The following GPC5 variants were observed in gnomAD, a reference collection of about 807,000 sequenced individuals.
The protein encoded by GPC5 is glypican 5.
Under a neutral mutation model 53.9 loss-of-function variants are expected in GPC5, and 47 were observed. The observed-to-expected ratio is 0.87, with a 90% CI of 0.69 to 1.11. GPC5 has a LOEUF of 1.11. Among genes scored for constraint, GPC5 ranks in the 50% most tolerant of loss-of-function variants. The pLI, the probability that GPC5 is intolerant of heterozygous loss-of-function variation, is 0.00. For synonymous variants in GPC5, 286 were observed against 263.3 expected (o/e 1.09, Z -0.84); for missense variants, 748 against 713.1 (o/e 1.05, Z -0.56).
At chr13:92,476,987 A>G (rs1566607580) in intron 7 of GPC5, among the ~76,000 whole-genome samples, 1 of 150,648 alleles carries the variant, frequency 6.6e-6, no homozygotes, top group Non-Finnish European at 1.5e-5. Flanking sequence ...TGGCACGTGT[A>G]TACATATGTA....
At chr13:91,742,703 T>C (rs999021667) in intron 4 of GPC5, among the ~76,000 whole-genome samples, 14 of 152,120 alleles carry the variant, frequency 9.2e-5, no homozygotes, top group African/African-American at 3.4e-4. Context: ...GTGGCTGCAA[T>C]TGGAACTCCC....
intron 1 of GPC5, among the ~76,000 whole-genome samples, chr13:91,406,130 T>C (rs563672647): frequency 1.6e-4 from 24 of 152,286 alleles, no homozygotes; most frequent in South Asian, 4.1e-4. Context: ...CTCTGCAAAT[T>C]ATGTAGCCAG....
intron 2 of GPC5, among the ~76,000 whole-genome samples, chr13:91,484,177 T>G (rs1261465943): frequency 6.6e-6 from 1 of 152,236 alleles, no homozygotes; most frequent in Admixed American, 6.5e-5. Flanking sequence ...TTAATTTTCA[T>G]TGCATTGAAG....
At chr13:92,345,815 A>G (rs939578605) in intron 7 of GPC5, among the ~76,000 whole-genome samples, 1 of 152,124 alleles carries the variant, frequency 6.6e-6, no homozygotes, top group Non-Finnish European at 1.5e-5. Flanking sequence ...ATGGGGCTAA[A>G]GGCATACCTA....
chr13:91,844,232 T>C (rs1159522948), intron 5 of GPC5, among the ~76,000 whole-genome samples: 1 of 152,092 alleles, frequency 6.6e-6, no homozygotes, highest in African/African-American at 2.4e-5. Flanking sequence ...ATCAACAAAT[T>C]TGGAAATTAC....
chr13:92,834,837 T>A (rs1878170338), intron 7 of GPC5, among the ~76,000 whole-genome samples: 1 of 152,108 alleles, frequency 6.6e-6, no homozygotes, highest in East Asian at 1.9e-4. Flanking sequence ...TAAAGTTGGT[T>A]TAAAGGGTAA....
intron 6 of GPC5, among the ~76,000 whole-genome samples, chr13:92,114,085 T>C (rs1231607369): frequency 6.6e-6 from 1 of 152,214 alleles, no homozygotes; most frequent in Admixed American, 6.5e-5. Context: ...CAAGTAGCCA[T>C]TTACTGGAAA....
Position 92,864,593 on chromosome 13 carries a change from C to G in GPC5, c.1562-1689C>G, listed in dbSNP as rs75984102. ...AAAAATATTTTTAATTGCCTGGAGT[C>G]CTCATAGCTTCTTGTTAAGCTTAAC... On this transcript the variant is annotated intron_variant, in intron 7 of 7. Coordinates refer to ENST00000377067, the MANE Select transcript of GPC5 (RefSeq NM_004466.6). Among the ~76,000 whole-genome samples, 1,154 of 152,034 alleles carry G rather than the reference C, an allele frequency of 7.6e-3. 15 individuals carry two copies. Among genetic ancestry groups the G allele is most frequent in the African/African-American group, 0.027 (1,121 of 41,456 alleles).
intron 2 of GPC5, among the ~76,000 whole-genome samples, chr13:91,581,274 G>A (rs892667875): frequency 6.6e-6 from 1 of 152,026 alleles, no homozygotes; most frequent in African/African-American, 2.4e-5. Flanking sequence ...AAAGTGTAGA[G>A]ACTTTTAGAG....
At chr13:92,343,434 T>C (rs1324669725) in intron 7 of GPC5, among the ~76,000 whole-genome samples, 1 of 152,206 alleles carries the variant, frequency 6.6e-6, no homozygotes, top group Non-Finnish European at 1.5e-5. Flanking sequence ...TCCCTTCCTC[T>C]GAAATGGAAC....
intron 5 of GPC5, among the ~76,000 whole-genome samples, chr13:91,905,694 C>T (rs996794961): frequency 2.0e-5 from 3 of 151,976 alleles, no homozygotes; most frequent in African/African-American, 7.2e-5. Flanking sequence ...AAACATAGAA[C>T]CTTCTTTTAT....
chr13:91,772,635 C>T (rs2037644447), intron 5 of GPC5, among the ~76,000 whole-genome samples: 1 of 152,082 alleles, frequency 6.6e-6, no homozygotes, highest in Non-Finnish European at 1.5e-5. Flanking sequence ...AAAAGAAATA[C>T]CAATTACATT....
intron 7 of GPC5, among the ~76,000 whole-genome samples, chr13:92,604,474 C>T (rs915057721): frequency 6.6e-6 from 1 of 152,278 alleles, no homozygotes; most frequent in Non-Finnish European, 1.5e-5. Context: ...CACACCTTGC[C>T]CTGTCTGGGC....
chr13:91,530,800 T>C (rs1171360348), intron 2 of GPC5, among the ~76,000 whole-genome samples: 2 of 152,312 alleles, frequency 1.3e-5, no homozygotes, highest in Non-Finnish European at 2.9e-5. Context: ...TTGCAGCAAA[T>C]ATTTTATTTC....
intron 5 of GPC5, among the ~76,000 whole-genome samples, chr13:91,866,400 A>G (rs922292997): frequency 6.6e-6 from 1 of 152,136 alleles, no homozygotes; most frequent in African/African-American, 2.4e-5. Context: ...GGGCTTAGTA[A>G]AAGGTGTTTT....
intron 5 of GPC5, among the ~76,000 whole-genome samples, chr13:91,805,236 T>A (rs879316677): frequency 1.5e-4 from 23 of 152,190 alleles, no homozygotes; most frequent in Admixed American, 1.5e-3. Flanking sequence ...TACCCCTCTG[T>A]AAAACTGAGC....
chr13:91,949,139 G>T (rs553576981), intron 6 of GPC5, among the ~76,000 whole-genome samples: 1 of 152,232 alleles, frequency 6.6e-6, no homozygotes, highest in Non-Finnish European at 1.5e-5. Flanking sequence ...TTCTTTGTGT[G>T]TTGCTGCCCA....
chr13:91,664,521 G>A (rs1194617481), intron 2 of GPC5, among the ~76,000 whole-genome samples: 3 of 152,142 alleles, frequency 2.0e-5, no homozygotes, highest in African/African-American at 7.2e-5. Flanking sequence ...GCTCTTAGAG[G>A]CAAATTGCTA....
chr13:91,761,926 G>A (rs1444125062), intron 5 of GPC5, among the ~76,000 whole-genome samples: 1 of 152,166 alleles, frequency 6.6e-6, no homozygotes, highest in Non-Finnish European at 1.5e-5. Context: ...TCATGCTTCT[G>A]TCTTTCTGAA....
Sources: gnomAD v4.1 joint callset for allele counts (sites outside exome capture counted in the v4.1 genomes callset) on GRCh38, gnomAD v4.1.1 for gene constraint, MANE v1.5 for transcripts, NCBI Gene and HGNC (gene_info 2026-07-23, HGNC 2026-07-21) for gene names.